STRIP2: variants seen among roughly 807,000 people sequenced by gnomAD.
The protein encoded by STRIP2 is striatin interacting protein 2, also known as striatin-interacting protein 2.
Under a neutral mutation model 107.1 loss-of-function variants are expected in STRIP2, and 84 were observed. That is an observed-to-expected ratio of 0.78 (90% CI 0.66 to 0.94). The LOEUF (loss-of-function observed/expected upper bound fraction) is 0.94. STRIP2 is among the 40% of genes least tolerant of loss of function. STRIP2 has a pLI of 0.00. For synonymous variants in STRIP2, 394 were observed against 400.4 expected, an observed-to-expected ratio of 0.98 and a Z score of 0.19; for missense variants, 888 against 1,034.2, an observed-to-expected ratio of 0.86 and a Z score of 1.94.
intron 3 of STRIP2, 61 bp from the exon 4 acceptor site, chr7:129,451,552 G>A (rs990740777): frequency 2.5e-5 from 40 of 1,596,000 alleles, no homozygotes; most frequent in Non-Finnish European, 3.4e-5. Context: ...ATGCTATGAG[G>A]AGCCTTTCCA....
At chr7:129,478,841 C>T (rs996087361) in intron 18 of STRIP2, among the ~76,000 whole-genome samples, 2 of 152,122 alleles carry the variant, frequency 1.3e-5, no homozygotes, top group Admixed American at 6.6e-5. Context: ...GATGCCTTCT[C>T]TCCCATATTA....
chr7:129,450,721 T>C (rs1466730494), intron 3 of STRIP2, among the ~76,000 whole-genome samples: 1 of 152,154 alleles, frequency 6.6e-6, no homozygotes, highest in African/African-American at 2.4e-5. Flanking sequence ...TAGCTAGGAT[T>C]ACAGGCATGT....
intron 18 of STRIP2, among the ~76,000 whole-genome samples, chr7:129,479,629 A>G (rs1231154403): frequency 6.6e-6 from 1 of 151,558 alleles, no homozygotes; most frequent in African/African-American, 2.4e-5. Flanking sequence ...AGCTGGGATT[A>G]CAGGCTCCTG....
At chr7:129,463,107 C>A in intron 14 of STRIP2, 67 bp downstream of exon 14, 1 of 1,323,436 alleles carries the variant, frequency 7.6e-7, no homozygotes, top group South Asian at 1.3e-5. Context: ...AAAACCATTT[C>A]AAGTGGACCT....
chr7:129,451,029 C>T (rs1010932483), intron 3 of STRIP2, among the ~76,000 whole-genome samples: 11 of 134,700 alleles, frequency 8.2e-5, no homozygotes, highest in Middle Eastern at 4.0e-3. Context: ...CTCCGCCTCC[C>T]GGGTTCACGC....
intron 2 of STRIP2, among the ~76,000 whole-genome samples, chr7:129,443,086 G>A (rs1183045822): frequency 3.3e-5 from 5 of 150,210 alleles, no homozygotes; most frequent in Non-Finnish European, 5.9e-5. Flanking sequence ...GTTACCCCAG[G>A]CTGGAGTGCA....
intron 3 of STRIP2, among the ~76,000 whole-genome samples, chr7:129,444,428 A>G (rs570896210): frequency 6.6e-6 from 1 of 152,180 alleles, no homozygotes; most frequent in Non-Finnish European, 1.5e-5. Flanking sequence ...TGTAGGCTGA[A>G]AGGCTAGGCC....
At chr7:129,476,167 ACGGGGCGGC>A (rs1798926734) in intron 18 of STRIP2, among the ~76,000 whole-genome samples, 1 of 147,392 alleles carries the variant, frequency 6.8e-6, no homozygotes, top group African/African-American at 2.5e-5. Context: ...CTCCTCCCGG[ACGGGGCGGC>A]TGGCCGGGCG....
chr7:129,456,857 A>G (rs1798372421), intron 9 of STRIP2, among the ~76,000 whole-genome samples: 1 of 152,140 alleles, frequency 6.6e-6, no homozygotes, highest in Admixed American at 6.5e-5. Flanking sequence ...ACACTGTGAT[A>G]TCATGTCATA....
At chr7:129,476,588 G>C (rs1472745040) in intron 18 of STRIP2, among the ~76,000 whole-genome samples, 1 of 151,416 alleles carries the variant, frequency 6.6e-6, no homozygotes, top group Non-Finnish European at 1.5e-5. Flanking sequence ...GGGGCGGAGG[G>C]GCAGAGGTGC....
At chr7:129,437,628 T>G (rs1236182106) in intron 1 of STRIP2, among the ~76,000 whole-genome samples, 4 of 152,098 alleles carry the variant, frequency 2.6e-5, no homozygotes, top group Non-Finnish European at 4.4e-5. Flanking sequence ...TCTGAGATTC[T>G]GTCTTTCATT....
At chr7:129,456,313 T>C (rs1798351334) in intron 8 of STRIP2, 126 bp from the exon 9 acceptor site, 2 of 763,852 alleles carry the variant, frequency 2.6e-6, no homozygotes, top group South Asian at 1.8e-5. Flanking sequence ...TACCTCCTTA[T>C]TAAGGAAAAG....
At chr7:129,477,193 AGGGAGGGGGAGG>A (rs1231465846) in intron 18 of STRIP2, among the ~76,000 whole-genome samples, 1 of 23,532 alleles carries the variant, frequency 4.2e-5, no homozygotes, top group African/African-American at 1.9e-4. Flanking sequence ...CCGTGGGGAG[AGGGAGGGGGAGG>A]GGGAGGGGGA....
At chr7:129,447,660 C>A (rs1798073600) in intron 3 of STRIP2, among the ~76,000 whole-genome samples, 2 of 152,328 alleles carry the variant, frequency 1.3e-5, no homozygotes, top group South Asian at 4.1e-4. Flanking sequence ...CTGTCCCAGC[C>A]AGCTGCAGGC....
rs1798358135 is a variant in STRIP2, at chr7:129,456,517, G to A, written c.913G>A (p.Glu305Lys). 6.2e-7 allele frequency: 1 copy of A among 1,613,932 alleles called. No individual in the cohort carries two copies. Among genetic ancestry groups the A allele is most frequent in the Non-Finnish European group, 8.5e-7 (1 of 1,180,006 alleles). Residue 305 changes from glutamate to lysine, a missense_variant, in exon 9 of 21, where the codon GAA (glutamate) becomes AAA (lysine). Coordinates refer to ENST00000249344, the MANE Select transcript of STRIP2 (RefSeq NM_020704.3). ...RAELGLPPLA[E>K]DSIQVVKSMR... is the part of the protein sequence containing the mutation. ...AGAATTGGGCCTGCCTCCACTGGCTGAAGACAGTATCCAGGTGGTGAAGAG... is the reference window on the plus strand; with the variant it reads ...AGAATTGGGCCTGCCTCCACTGGCTAAAGACAGTATCCAGGTGGTGAAGAG...
rs185109220 is a variant in STRIP2, at chr7:129,454,127, C to G, written c.531-15C>G. 14 of 1,613,192 alleles carry G rather than the reference C, an allele frequency of 8.7e-6. No homozygotes were observed. The East Asian group carries it at 2.0e-4, about 23-fold the overall frequency. On this transcript the variant is annotated splice_polypyrimidine_tract_variant and intron_variant, in intron 5 of 20. Coordinates refer to ENST00000249344, the MANE Select transcript of STRIP2 (RefSeq NM_020704.3). ...AGTCTTATGCATTCCTGTTCTTTTT[C>G]TCCTCCCCTGGCAGCAACAGCCAGG...
intron 3 of STRIP2, among the ~76,000 whole-genome samples, chr7:129,446,130 C>T (rs950694297): frequency 7.9e-5 from 12 of 152,140 alleles, no homozygotes; most frequent in South Asian, 2.1e-4. Context: ...GCGTAACTTC[C>T]GTCCCTGCCA....
At position 129,463,969 on chromosome 7, in the gene STRIP2, G is replaced by A. The variant is rs143726144; in HGVS notation, c.1552-75G>A. 1,035 of 1,154,322 alleles carry A rather than the reference G, an allele frequency of 9.0e-4. 4 individuals carry two copies. In the African/African-American group the frequency reaches 0.01, roughly 12 times the overall value. 71.5% of individuals were successfully genotyped at this position (1,154,322 alleles called of 1,614,324 possible). On this transcript the variant is annotated intron_variant, in intron 14 of 20. Transcript: ENST00000249344. ...GCTTTAAAACACTTTTTATAGGGCG[G>A]TTAGGGTGTGGAAGAATCACTTCCT...
rs1293613320 is a variant in STRIP2, at chr7:129,456,635, C to A, written c.1031C>A (p.Ser344Tyr). Residue 344 changes from serine (S) to tyrosine (Y), a missense_variant, in exon 9 of 21, where the codon TCT (serine) becomes TAT (tyrosine). Transcript: ENST00000249344. ...PPSKLRGRRG[S>Y]RRQLLTKQDS... ...TCCAAGCTGCGAGGCCGCCGTGGCT[C>A]TCGAAGGGTATGGACTGAAGCAGAC... is the stretch of plus-strand genomic sequence containing the variant. 6.2e-7 allele frequency: 1 copy of A among 1,613,846 alleles called. No individual in the cohort carries two copies. The highest frequency in any genetic ancestry group is 1.1e-5 in the South Asian group (1 of 91,066).
Sources: gnomAD v4.1 joint callset for allele counts (sites outside exome capture counted in the v4.1 genomes callset) on GRCh38, gnomAD v4.1.1 for gene constraint, MANE v1.5 for transcripts, NCBI Gene and HGNC (gene_info 2026-07-23, HGNC 2026-07-21) for gene names.